The following NALCN variants were observed in gnomAD, a reference collection of about 807,000 sequenced individuals.
NALCN encodes the protein sodium leak channel NALCN.
In NALCN, 111 loss-of-function variants were observed where a neutral mutation model predicts 225.3. That is an observed-to-expected ratio of 0.49 (90% CI 0.42 to 0.58). The LOEUF is 0.58. NALCN is among the 20% of genes least tolerant of loss of function. The probability of loss-of-function intolerance (pLI) is 0.00; values close to 1 mark genes in which losing one functional copy is unlikely to be tolerated. For missense variants in NALCN, 1,378 were observed against 2,202.4 expected (o/e 0.63, Z 7.49); for synonymous variants, 764 against 769.0 (o/e 0.99, Z 0.11).
At chr13:101,162,727 G>A (rs933163305) in intron 15 of NALCN, among the ~76,000 whole-genome samples, 12 of 152,270 alleles carry the variant, frequency 7.9e-5, no homozygotes, top group African/African-American at 2.2e-4. Context: ...CATCCTTGCT[G>A]TTTTCAATGG....
At chr13:101,313,424 C>G (rs576812759) in intron 7 of NALCN, among the ~76,000 whole-genome samples, 167 of 151,908 alleles carry the variant, frequency 1.1e-3, no homozygotes, top group Non-Finnish European at 2.0e-3. Flanking sequence ...AATTTTTCAT[C>G]TGACAAACGG....
intron 13 of NALCN, among the ~76,000 whole-genome samples, chr13:101,221,257 T>A (rs1438019428): frequency 6.6e-6 from 1 of 152,086 alleles, no homozygotes; most frequent in East Asian, 1.9e-4. Context: ...TAGCTGGGAT[T>A]ACAGGCACAC....
intron 9 of NALCN, among the ~76,000 whole-genome samples, chr13:101,286,036 C>T (rs571580072): frequency 6.6e-6 from 1 of 152,178 alleles, no homozygotes; most frequent in East Asian, 1.9e-4. Context: ...AAAGTGTTCT[C>T]CCAAGGTCAC....
intron 17 of NALCN, among the ~76,000 whole-genome samples, chr13:101,133,917 C>G (rs1330938022): frequency 6.6e-6 from 1 of 152,136 alleles, no homozygotes. Context: ...CGCCTGTAAT[C>G]CCAGCACTTT....
intron 42 of NALCN, 48 bp downstream of exon 42, chr13:101,059,770 A>C (rs770430321): frequency 4.5e-6 from 7 of 1,560,550 alleles, no homozygotes; most frequent in Non-Finnish European, 6.1e-6. Context: ...TATTAAAAGA[A>C]AGAAGCCCAC....
chr13:101,099,257 A>G (rs1248552918), intron 27 of NALCN, among the ~76,000 whole-genome samples: 1 of 152,050 alleles, frequency 6.6e-6, no homozygotes, highest in East Asian at 1.9e-4. Context: ...GTCAGGCCAC[A>G]TTCCTTGTTC....
At chr13:101,210,996 T>G (rs2040501762) in intron 13 of NALCN, among the ~76,000 whole-genome samples, 1 of 152,158 alleles carries the variant, frequency 6.6e-6, no homozygotes, top group Non-Finnish European at 1.5e-5. Flanking sequence ...TGTTCAAAAT[T>G]CCACCGACAT....
At chr13:101,390,409 GA>G (rs1054974569) in intron 3 of NALCN, among the ~76,000 whole-genome samples, 1 of 151,542 alleles carries the variant, frequency 6.6e-6, no homozygotes, top group African/African-American at 2.4e-5. Flanking sequence ...AGAGAATGTA[GA>G]AAACATAAAA....
At chr13:101,360,743 G>A (rs1159819758) in intron 6 of NALCN, among the ~76,000 whole-genome samples, 10 of 152,182 alleles carry the variant, frequency 6.6e-5, no homozygotes, top group Non-Finnish European at 1.5e-4. Context: ...TGAGATGGTT[G>A]TCCGTCCCAG....
At chr13:101,205,365 C>T (rs897109674) in intron 13 of NALCN, among the ~76,000 whole-genome samples, 11 of 151,498 alleles carry the variant, frequency 7.3e-5, no homozygotes, top group African/African-American at 2.7e-4. Flanking sequence ...TATAAAATTA[C>T]AAAATATATT....
chr13:101,230,744 G>A (rs188079613), intron 12 of NALCN, among the ~76,000 whole-genome samples: 1 of 152,264 alleles, frequency 6.6e-6, no homozygotes, highest in East Asian at 1.9e-4. Context: ...ACCAACTGCT[G>A]CAGAGAAATA....
intron 1 of NALCN, among the ~76,000 whole-genome samples, chr13:101,406,493 G>A (rs1261451254): frequency 1.3e-5 from 2 of 152,116 alleles, no homozygotes; most frequent in African/African-American, 2.4e-5. Context: ...ATGAGAAAAT[G>A]ACTTTTTCAA....
intron 11 of NALCN, among the ~76,000 whole-genome samples, chr13:101,256,802 C>T (rs1221279570): frequency 7.4e-6 from 1 of 134,922 alleles, no homozygotes; most frequent in African/African-American, 2.7e-5. Context: ...CTCACTCTGT[C>T]ACCCTGGCTG....
intron 10 of NALCN, among the ~76,000 whole-genome samples, chr13:101,281,193 T>C (rs1333942000): frequency 1.3e-5 from 2 of 152,168 alleles, no homozygotes; most frequent in African/African-American, 4.8e-5. Context: ...ACTAAAACCT[T>C]CCCTGACCTC....
intron 15 of NALCN, among the ~76,000 whole-genome samples, chr13:101,171,426 T>TAC (rs896605946): frequency 4.6e-5 from 7 of 151,200 alleles, no homozygotes; most frequent in South Asian, 2.1e-4. Flanking sequence ...ATAATAGATA[T>TAC]ACACACACAC....
At chr13:101,409,562 T>C (rs2047719564) in intron 1 of NALCN, among the ~76,000 whole-genome samples, 2 of 152,226 alleles carry the variant, frequency 1.3e-5, no homozygotes, top group Admixed American at 1.3e-4. Context: ...GAGCTGCTAC[T>C]ATCATTTATA....
At chr13:101,189,272 GAGAA>G (rs2139995871) in intron 14 of NALCN, among the ~76,000 whole-genome samples, 1 of 152,208 alleles carries the variant, frequency 6.6e-6, no homozygotes, top group African/African-American at 2.4e-5. Context: ...TAGGGAAGGA[GAGAA>G]AGAAGAAGAA....
rs541410240 is a variant in NALCN at position 101,200,385 on chromosome 13, T to C, written c.1627-8331A>G. On this transcript the variant is annotated intron_variant, in intron 13 of 43. Transcript: ENST00000251127. ...TCCAACCTTAGTCCTTGCTTCCAGT[T>C]CTGCATTTGTCCCTGATCTTCCTTG... Among the ~76,000 whole-genome samples, 26 of 152,310 alleles carry C rather than the reference T, an allele frequency of 1.7e-4. 1 individual carries two copies. The South Asian group carries it at 4.1e-3, about 24-fold the overall frequency.
intron 14 of NALCN, among the ~76,000 whole-genome samples, chr13:101,190,932 T>C (rs370284945): frequency 2.6e-5 from 4 of 152,210 alleles, no homozygotes; most frequent in African/African-American, 9.6e-5. Flanking sequence ...CAGACAGACC[T>C]GGGAACACTC....
Sources: gnomAD v4.1 joint callset for allele counts (sites outside exome capture counted in the v4.1 genomes callset) on GRCh38, gnomAD v4.1.1 for gene constraint, MANE v1.5 for transcripts, NCBI Gene and HGNC (gene_info 2026-07-23, HGNC 2026-07-21) for gene names.